ATP2A3: variants seen among roughly 807,000 people sequenced by gnomAD.
ATP2A3 encodes ATPase sarcoplasmic/endoplasmic reticulum Ca2+ transporting 3.
ATP2A3 carries 61 observed loss-of-function variants against 106.8 expected under a neutral mutation model. That is an observed-to-expected ratio of 0.57 (90% CI 0.46 to 0.71). The LOEUF (loss-of-function observed/expected upper bound fraction) is 0.71. Among genes scored for constraint, ATP2A3 ranks in the 30% least tolerant of loss-of-function variants. The pLI, the probability that ATP2A3 is intolerant of heterozygous loss-of-function variation, is 0.00. For synonymous variants in ATP2A3, 611 were observed against 609.3 expected, an observed-to-expected ratio of 1.00 and a Z score of -0.04; for missense variants, 1,201 against 1,423.5, an observed-to-expected ratio of 0.84 and a Z score of 2.52.
chr17:3,959,077 T>C (rs189536823), intron 1 of ATP2A3, among the ~76,000 whole-genome samples: 160 of 151,924 alleles, frequency 1.1e-3, no homozygotes, highest in African/African-American at 3.5e-3. Context: ...TTTTATTTTT[T>C]AGTAAAGATG....
rs1436593085 is a variant in ATP2A3 at position 3,930,444 on chromosome 17, C to T, written c.2611-10G>A. On this transcript the variant is annotated splice_polypyrimidine_tract_variant and intron_variant, in intron 17 of 20. Coordinates refer to ENST00000397041, the MANE Select transcript of ATP2A3 (RefSeq NM_005173.4). The surrounding 1 kb of genome is among the most constrained non-coding windows in gnomAD (Gnocchi z 5.4). Reference sequence around the variant, plus strand: ...ACTTCAGGAAGTTCCTCTGGGGGCACCGTGGCAGGTCAGAGAGAGCGGCAG... The same window carrying T: ...ACTTCAGGAAGTTCCTCTGGGGGCATCGTGGCAGGTCAGAGAGAGCGGCAG... The T allele has an allele frequency of 6.2e-7, 1 of 1,613,656 alleles. No homozygotes were observed. Among genetic ancestry groups the T allele is most frequent in the Non-Finnish European group, 8.5e-7 (1 of 1,179,968 alleles).
Position 3,930,170 on chromosome 17 carries a change from ACTCCTCGGCCC to A in ATP2A3, c.2744+120_2744+130del. ...CTGGAACCCCCAGCCCTCAGCCCCC[ACTCCTCGGCCC>A]CAGCTCCAGGCCCTGCGCCCAGCCC... On this transcript the variant is annotated intron_variant, in intron 18 of 20. Transcript: ENST00000397041. This position sits in a 1 kb window ranked among gnomAD's most constrained non-coding sequence, Gnocchi z 5.4. 12 of 1,200,918 alleles carry A rather than the reference ACTCCTCGGCCC, an allele frequency of 1.0e-5. No homozygotes were observed. The highest frequency in any genetic ancestry group is 3.5e-5 in the African/African-American group (2 of 57,046). 74.4% of individuals were successfully genotyped at this position (1,200,918 alleles called of 1,614,324 possible). A position where few individuals can be genotyped will look rare whatever the true frequency, so the allele number is the denominator to read the frequency against.
chr17:3,943,299 AAAC>A, intron 11 of ATP2A3, 89 bp downstream of exon 11: 1 of 1,555,256 alleles, frequency 6.4e-7, no homozygotes, highest in Non-Finnish European at 8.7e-7. Flanking sequence ...AAACGAAACA[AAAC>A]AAAAACTTCA....
At chr17:3,927,540 G>A (rs968540369) in intron 20 of ATP2A3, 55 of 985,392 alleles carry the variant, frequency 5.6e-5, no homozygotes, top group Middle Eastern at 1.0e-3. Flanking sequence ...CCGGTGCTCC[G>A]GCCAGTGCAG....
chr17:3,951,546 G>GCCCCCCCCCCCGGGCCCCCCC, intron 4 of ATP2A3, 35 bp downstream of exon 4: 1 of 1,319,570 alleles, frequency 7.6e-7, no homozygotes, highest in Non-Finnish European at 1.0e-6. Flanking sequence ...CTGGGAGACC[G>GCCCCCCCCCCCGGGCCCCCCC]CCCCCCGCCC....
chr17:3,958,887 C>T (rs71368157), intron 1 of ATP2A3, among the ~76,000 whole-genome samples: 26,187 of 99,442 alleles, frequency 0.26, 4,959 homozygotes, highest in African/African-American at 0.44. Flanking sequence ...CACACACACA[C>T]ATATATATAT....
rs1263659015 is a variant in ATP2A3, at chr17:3,945,134, G to A, written c.1110C>T (p.Ala370=). ...AAAGGCAGGAGCCCGCATCGGCCTC[G>A]GCTACCACGAACATCTGGGGAGCGC... is the stretch of plus-strand genomic sequence containing the variant. ...QMSVCRMFVV[A]EADAGSCLLH... The change falls in exon 9 of 21, where the codon GCC becomes GCT. Residue 370 remains alanine, a synonymous_variant. Coordinates refer to ENST00000397041, the MANE Select transcript of ATP2A3 (RefSeq NM_005173.4). The A allele has an allele frequency of 2.6e-6, 4 of 1,547,780 alleles. No individual in the cohort carries two copies. The African/African-American group carries it at 4.1e-5, about 16-fold the overall frequency.
At chr17:3,932,068 G>A (rs1218773938) in intron 17 of ATP2A3, among the ~76,000 whole-genome samples, 1 of 152,224 alleles carries the variant, frequency 6.6e-6, no homozygotes, top group African/African-American at 2.4e-5. Flanking sequence ...TAAATCGATA[G>A]TGGACGTTTT....
In ATP2A3 at chr17:3,928,232, A is replaced by T. The variant is rs2052826122; in HGVS notation, c.2980+431T>A. On this transcript the variant is annotated intron_variant, in intron 20 of 20. Coordinates refer to ENST00000397041, the MANE Select transcript of ATP2A3 (RefSeq NM_005173.4). The surrounding 1 kb of genome is among the most constrained non-coding windows in gnomAD (Gnocchi z 6.1). ...ACCCACCCACAAGGTGATACCAAAG[A>T]GGCCAACCCGGTGTGGTCTGGGGTC... 6.2e-7 allele frequency: 1 copy of T among 1,613,522 alleles called. No individual in the cohort carries two copies. The highest frequency in any genetic ancestry group is 8.5e-7 in the Non-Finnish European group (1 of 1,180,008).
At chr17:3,951,546 GC>G in intron 4 of ATP2A3, 34 bp downstream of exon 4, 4 of 1,319,568 alleles carry the variant, frequency 3.0e-6, no homozygotes, top group Non-Finnish European at 4.2e-6. Context: ...CTGGGAGACC[GC>G]CCCCCGCCCG....
At position 3,925,088 on chromosome 17, in the gene ATP2A3, G is replaced by T. The variant is rs547053193; in HGVS notation, c.*334C>A. 2.3e-5 allele frequency: 12 copies of T among 514,934 alleles called. No individual in the cohort carries two copies. The highest frequency in any genetic ancestry group is 4.2e-5 in the Non-Finnish European group (12 of 285,388). The allele number at this position is 514,934 out of a possible 1,614,324, so 31.9% of individuals were successfully genotyped here. ...CCAGCTGCACTCGTGATTTGGGGGT[G>T]GGGGGGCCCCGGATCTCTGGGTATG... On this transcript the variant is annotated 3_prime_UTR_variant, in exon 21 of 21. Coordinates refer to ENST00000397041, the MANE Select transcript of ATP2A3 (RefSeq NM_005173.4). This position sits in a 1 kb window ranked among gnomAD's most constrained non-coding sequence, Gnocchi z 4.2.
chr17:3,958,857 T>TATACAC lies in ATP2A3; in HGVS notation c.119-5148_119-5147insGTGTAT, dbSNP rs1567726921. On this transcript the variant is annotated intron_variant, in intron 1 of 20. Coordinates refer to ENST00000397041, the MANE Select transcript of ATP2A3 (RefSeq NM_005173.4). Reference sequence around the variant, plus strand: ...ACACACACACATATATAAATATATATATATATATATATACACACACACACA... The same window carrying TATACAC: ...ACACACACACATATATAAATATATATATACACATATATATATATACACACACACACA... 2.5e-3 allele frequency among the ~76,000 whole-genome samples: 277 copies of TATACAC among 109,836 alleles called. 12 individuals carry two copies. Among genetic ancestry groups the TATACAC allele is most frequent in the African/African-American group, 0.012 (258 of 22,062 alleles). 72.1% of individuals were successfully genotyped at this position (109,836 alleles called of 152,430 possible).
chr17:3,930,447 T>C lies in ATP2A3; in HGVS notation c.2611-13A>G, dbSNP rs2053005286. On this transcript the variant is annotated splice_polypyrimidine_tract_variant and intron_variant, in intron 17 of 20. Coordinates refer to ENST00000397041, the MANE Select transcript of ATP2A3 (RefSeq NM_005173.4). This position sits in a 1 kb window ranked among gnomAD's most constrained non-coding sequence, Gnocchi z 5.4. Reference sequence around the variant, plus strand: ...TCAGGAAGTTCCTCTGGGGGCACCGTGGCAGGTCAGAGAGAGCGGCAGGTC... The same window carrying C: ...TCAGGAAGTTCCTCTGGGGGCACCGCGGCAGGTCAGAGAGAGCGGCAGGTC... 1.2e-6 allele frequency: 2 copies of C among 1,613,500 alleles called. No homozygotes were observed. Among genetic ancestry groups the C allele is most frequent in the Non-Finnish European group, 1.7e-6 (2 of 1,179,940 alleles).
chr17:3,959,191 G>A (rs1028925217), intron 1 of ATP2A3, among the ~76,000 whole-genome samples: 3 of 152,038 alleles, frequency 2.0e-5, no homozygotes, highest in Non-Finnish European at 4.4e-5. Context: ...TAGCCACCGC[G>A]CCCGGCCTTC....
Position 3,931,000 on chromosome 17 carries a change from C to T in ATP2A3, c.2611-566G>A, listed in dbSNP as rs893610399. 1 of 213,126 alleles carries T rather than the reference C, an allele frequency of 4.7e-6. No homozygotes were observed. 13.2% of individuals were successfully genotyped at this position (213,126 alleles called of 1,614,324 possible). ...TACTAAAAATACAAAAATTAGCCTG[C>T]GTGGTGGTGCGTGCCTGTAATCCCA... On this transcript the variant is annotated intron_variant, in intron 17 of 20. Transcript: ENST00000397041. The surrounding 1 kb of genome is among the most constrained non-coding windows in gnomAD (Gnocchi z 5.4).
chr17:3,937,749 G>T, intron 14 of ATP2A3, 113 bp from the exon 15 acceptor site: 1 of 1,095,160 alleles, frequency 9.1e-7, no homozygotes, highest in Non-Finnish European at 1.3e-6. Context: ...GAAGCAGACA[G>T]TTAGACAGAA....
In ATP2A3 at chr17:3,925,587, C is replaced by G; in HGVS notation, c.2981-146G>C. 9.8e-7 allele frequency: 1 copy of G among 1,019,350 alleles called. No homozygotes were observed. 63.1% of individuals were successfully genotyped at this position (1,019,350 alleles called of 1,614,324 possible). A position where few individuals can be genotyped will look rare whatever the true frequency, so the allele number is the denominator to read the frequency against. The stretch of plus-strand genomic sequence containing the variant: ...CCCTTAGTCCAGACCTCAGTCTACC[C>G]CAGCCCCACCGGACCCCCCAAGCTG... On this transcript the variant is annotated intron_variant, in intron 20 of 20. Coordinates refer to ENST00000397041, the MANE Select transcript of ATP2A3 (RefSeq NM_005173.4). The surrounding 1 kb of genome is among the most constrained non-coding windows in gnomAD (Gnocchi z 4.2).
intron 1 of ATP2A3, among the ~76,000 whole-genome samples, chr17:3,959,861 G>A (rs1471603392): frequency 2.6e-5 from 4 of 152,234 alleles, no homozygotes; most frequent in Non-Finnish European, 1.5e-5. Flanking sequence ...CTTATCCGGA[G>A]CTGGAGATGA....
chr17:3,938,566 G>C (rs2144413431), intron 14 of ATP2A3, among the ~76,000 whole-genome samples: 1 of 151,498 alleles, frequency 6.6e-6, no homozygotes, highest in Middle Eastern at 3.4e-3. Flanking sequence ...TTTGGTGGGG[G>C]ACAGAGTCTC....
Sources: gnomAD v4.1 joint callset for allele counts (sites outside exome capture counted in the v4.1 genomes callset) on GRCh38, gnomAD v4.1.1 for gene constraint, Gnocchi (gnomAD v3.1) non-coding constraint, MANE v1.5 for transcripts, NCBI Gene and HGNC (gene_info 2026-07-23, HGNC 2026-07-21) for gene names.